PRUNE2: variants seen among roughly 807,000 people sequenced by gnomAD.
The protein encoded by PRUNE2 is prune homolog 2 with BCH domain, also known as protein prune homolog 2.
Under a neutral mutation model 252.0 loss-of-function variants are expected in PRUNE2, and 164 were observed. The observed-to-expected ratio is 0.65, with a 90% CI of 0.57 to 0.74. PRUNE2 has a LOEUF of 0.74. PRUNE2 is among the 30% of genes least tolerant of loss of function. The pLI is 0.00. For synonymous variants in PRUNE2, 1,292 were observed against 1,350.2 expected, an observed-to-expected ratio of 0.96 and a Z score of 0.94; for missense variants, 3,495 against 3,711.0, an observed-to-expected ratio of 0.94 and a Z score of 1.51.
At chr9:76,711,957 G>T (rs1157494473) in intron 7 of PRUNE2, among the ~76,000 whole-genome samples, 1 of 152,152 alleles carries the variant, frequency 6.6e-6, no homozygotes, top group Non-Finnish European at 1.5e-5. Context: ...GGAGGCAAGG[G>T]GACACTGACG....
At chr9:76,854,423 G>A (rs1048743276) in intron 1 of PRUNE2, among the ~76,000 whole-genome samples, 2 of 152,192 alleles carry the variant, frequency 1.3e-5, no homozygotes, top group African/African-American at 4.8e-5. Flanking sequence ...CTTTCTGGAA[G>A]AGAAAATGTG....
chr9:76,826,522 A>G lies in PRUNE2; in HGVS notation c.661+58T>C, dbSNP rs948981040. Reference sequence around the variant, plus strand: ...ACCTTCTCAGGTCTGATGATGCTCCATGCCACAAACCATCCCTACTCGGGA... The same window carrying G: ...ACCTTCTCAGGTCTGATGATGCTCCGTGCCACAAACCATCCCTACTCGGGA... On this transcript the variant is annotated intron_variant, in intron 5 of 18. Transcript: ENST00000376718. 2.3e-6 allele frequency: 3 copies of G among 1,294,404 alleles called. No individual in the cohort carries two copies. The African/African-American group carries it at 4.5e-5, about 19-fold the overall frequency. The allele number at this position is 1,294,404 out of a possible 1,614,324, so 80.2% of individuals were successfully genotyped here. A position where few individuals can be genotyped will look rare whatever the true frequency, so the allele number is the denominator to read the frequency against.
At chr9:76,905,822 C>T in intron 1 of PRUNE2, 106 bp downstream of exon 1, 1 of 1,443,362 alleles carries the variant, frequency 6.9e-7, no homozygotes, top group Non-Finnish European at 9.7e-7. Context: ...CTGATAACTC[C>T]GTGGCAAAGT....
intron 9 of PRUNE2, among the ~76,000 whole-genome samples, chr9:76,679,848 T>C (rs995512450): frequency 6.6e-6 from 1 of 152,148 alleles, no homozygotes; most frequent in East Asian, 1.9e-4. Context: ...CCTTATGCAA[T>C]ATACCAAAAT....
intron 6 of PRUNE2, among the ~76,000 whole-genome samples, chr9:76,757,655 G>A (rs1427691452): frequency 6.6e-6 from 1 of 152,140 alleles, no homozygotes. Context: ...TTTGTTTCTT[G>A]TGGAATGGTC....
intron 12 of PRUNE2, among the ~76,000 whole-genome samples, chr9:76,639,351 C>A (rs909438893): frequency 6.6e-6 from 1 of 152,104 alleles, no homozygotes; most frequent in East Asian, 1.9e-4. Context: ...ATTAGCCAAG[C>A]GTGGTGGCAC....
chr9:76,727,660 T>G, intron 6 of PRUNE2, among the ~76,000 whole-genome samples: 1 of 141,018 alleles, frequency 7.1e-6, no homozygotes, highest in South Asian at 2.2e-4. Context: ...TTTTTTTTTT[T>G]GTCAAGCAAA....
In PRUNE2 at chr9:76,638,093, T is replaced by C. The variant is rs1202532354; in HGVS notation, c.8831+93A>G. 3.8e-6 allele frequency: 3 copies of C among 788,824 alleles called. No individual in the cohort carries two copies. In the East Asian group the frequency reaches 7.9e-5, roughly 21 times the overall value. 48.9% of individuals were successfully genotyped at this position (788,824 alleles called of 1,614,324 possible). ...TTTTCACTGAAGGCTTAGAACATTC[T>C]ACATCATCTATTTTCTTTAATTAAA... On this transcript the variant is annotated intron_variant, in intron 13 of 18. Coordinates refer to ENST00000376718, the MANE Select transcript of PRUNE2 (RefSeq NM_015225.3).
chr9:76,640,917 A>G (rs1842315278), intron 12 of PRUNE2, among the ~76,000 whole-genome samples: 1 of 152,238 alleles, frequency 6.6e-6, no homozygotes, highest in African/African-American at 2.4e-5. Flanking sequence ...GTGTTACAGT[A>G]ATTTCAAGAT....
intron 5 of PRUNE2, among the ~76,000 whole-genome samples, chr9:76,824,497 G>A (rs2058227800): frequency 6.6e-6 from 1 of 152,210 alleles, no homozygotes; most frequent in African/African-American, 2.4e-5. Context: ...GACAATAAGA[G>A]TTATTAAATT....
chr9:76,810,816 T>C (rs916756396), intron 6 of PRUNE2, among the ~76,000 whole-genome samples: 4 of 152,246 alleles, frequency 2.6e-5, no homozygotes, highest in Non-Finnish European at 4.4e-5. Flanking sequence ...AAACAGGCAC[T>C]CTAACACAAA....
rs1464444431 is a variant in PRUNE2, at chr9:76,710,768, A to C, written c.1506T>G (p.Ala502=). ...GAGAAGATTGCTGGGACTGCCCAGA[A>C]GCCATGGGTGCTGGGTCAAAATTGA... ...DLFNFDPAPM[A]SGQSQQSSHS... The change falls in exon 8 of 19, where the codon GCT becomes GCG. Residue 502 remains alanine (A), a synonymous_variant. Coordinates refer to ENST00000376718, the MANE Select transcript of PRUNE2 (RefSeq NM_015225.3). 1.2e-6 allele frequency: 2 copies of C among 1,605,648 alleles called. No homozygotes were observed. The highest frequency in any genetic ancestry group is 2.2e-5 in the South Asian group (2 of 89,300).
At chr9:76,886,135 G>C (rs2062082113) in intron 1 of PRUNE2, among the ~76,000 whole-genome samples, 1 of 150,978 alleles carries the variant, frequency 6.6e-6, no homozygotes, top group Non-Finnish European at 1.5e-5. Context: ...GCAGTGACCT[G>C]AGATCGTGCC....
At position 76,724,303 on chromosome 9, in the gene PRUNE2, CAAAAAAAAAAAAAA is replaced by C. The variant is rs796291956; in HGVS notation, c.757-10596_757-10583del. 9.8e-3 allele frequency among the ~76,000 whole-genome samples: 678 copies of C among 69,422 alleles called. 9 individuals carry two copies. Among genetic ancestry groups the C allele is most frequent in the African/African-American group, 0.036 (652 of 18,338 alleles). 45.5% of individuals were successfully genotyped at this position (69,422 alleles called of 152,430 possible). On this transcript the variant is annotated intron_variant, in intron 6 of 18. Transcript: ENST00000376718. ...GTGAGACCTGTCTCTGATAGAAATACAAAAAAAAAAAAAAAAAAAAAATAGCCAGGCATGGTGGT... is the reference window on the plus strand; with the variant it reads ...GTGAGACCTGTCTCTGATAGAAATACAAAAAAAATAGCCAGGCATGGTGGT...
intron 6 of PRUNE2, among the ~76,000 whole-genome samples, chr9:76,794,579 C>T (rs1257636123): frequency 6.9e-6 from 1 of 144,600 alleles, no homozygotes; most frequent in Non-Finnish European, 1.5e-5. Flanking sequence ...CGCACCACTG[C>T]ACTCCAGCCT....
intron 16 of PRUNE2, among the ~76,000 whole-genome samples, chr9:76,628,438 A>T (rs1214547177): frequency 6.6e-6 from 1 of 152,200 alleles, no homozygotes; most frequent in Admixed American, 6.5e-5. Context: ...GTTTAGAAGA[A>T]ACAGAGAAAG....
At chr9:76,644,942 G>C in intron 11 of PRUNE2, 33 bp from the exon 12 acceptor site, 1 of 1,598,322 alleles carries the variant, frequency 6.3e-7, no homozygotes. Flanking sequence ...CAAGGCTGAA[G>C]GAGCAAGACC....
chr9:76,751,073 C>T (rs2050567514), intron 6 of PRUNE2, among the ~76,000 whole-genome samples: 1 of 152,164 alleles, frequency 6.6e-6, no homozygotes, highest in African/African-American at 2.4e-5. Context: ...CATATTAGCC[C>T]ACCTAAATCT....
intron 9 of PRUNE2, among the ~76,000 whole-genome samples, chr9:76,674,262 C>A (rs1159959699): frequency 6.6e-6 from 1 of 152,150 alleles, no homozygotes; most frequent in Non-Finnish European, 1.5e-5. Context: ...ACACCAACAA[C>A]AGACAAACAG....
Sources: gnomAD v4.1 joint callset for allele counts (sites outside exome capture counted in the v4.1 genomes callset) on GRCh38, gnomAD v4.1.1 for gene constraint, MANE v1.5 for transcripts, NCBI Gene and HGNC (gene_info 2026-07-23, HGNC 2026-07-21) for gene names.